CCT8: variants seen among roughly 807,000 people sequenced by gnomAD.
CCT8 encodes the protein T-complex protein 1 subunit theta.
CCT8 carries 10 observed loss-of-function variants against 65.7 expected under a neutral mutation model. The ratio of observed to expected loss-of-function variants is 0.15; its 90% CI spans 0.09 to 0.26. CCT8 has a LOEUF of 0.26. CCT8 is among the 10% of genes least tolerant of loss of function. The pLI is 1.00. For missense variants in CCT8, 568 were observed against 669.1 expected (o/e 0.85, Z 1.67); for synonymous variants, 199 against 221.8 (o/e 0.90, Z 0.92).
intron 3 of CCT8, among the ~76,000 whole-genome samples, chr21:29,068,005 A>G (rs1277914496): frequency 2.0e-5 from 3 of 152,222 alleles, no homozygotes; most frequent in Admixed American, 6.5e-5. Flanking sequence ...TAAATTAAAA[A>G]ACAAAGTAAT....
At chr21:29,064,843 TA>T (rs1005955505) in intron 7 of CCT8, 124 bp downstream of exon 7, 8 of 753,104 alleles carry the variant, frequency 1.1e-5, no homozygotes, top group Middle Eastern at 4.0e-4. Flanking sequence ...AAATCTGGCA[TA>T]AAAAAATAGG....
intron 2 of CCT8, 64 bp downstream of exon 2, chr21:29,070,183 G>T: frequency 1.0e-6 from 1 of 988,344 alleles, no homozygotes; most frequent in South Asian, 1.6e-5. Flanking sequence ...GAACAAGTCT[G>T]AAAGAAGACG....
chr21:29,068,087 A>G (rs1354984664), intron 3 of CCT8, among the ~76,000 whole-genome samples: 1 of 152,242 alleles, frequency 6.6e-6, no homozygotes, highest in East Asian at 1.9e-4. Flanking sequence ...TAACTTGGTC[A>G]TGACTCTCAA....
At position 29,056,436 on chromosome 21, in the gene CCT8, C is replaced by T; in HGVS notation, c.*39G>A. ...ATCAGGTGATTCTTGAGTACTACTA[C>T]AAATACAGCCTTCACCTACAGTAAA... On this transcript the variant is annotated 3_prime_UTR_variant, in exon 15 of 15. Coordinates refer to ENST00000286788, the MANE Select transcript of CCT8 (RefSeq NM_006585.4). 1.7e-6 allele frequency: 2 copies of T among 1,168,668 alleles called. No homozygotes were observed. The highest frequency in any genetic ancestry group is 2.4e-6 in the Non-Finnish European group (2 of 840,182). The allele number at this position is 1,168,668 out of a possible 1,614,324, so 72.4% of individuals were successfully genotyped here. A position where few individuals can be genotyped will look rare whatever the true frequency, so the allele number is the denominator to read the frequency against.
In CCT8 at chr21:29,063,072, A is replaced by G. The variant is rs181509608; in HGVS notation, c.941+280T>C. Among the ~76,000 whole-genome samples, 140 of 152,314 alleles carry G rather than the reference A, an allele frequency of 9.2e-4. 1 individual carries two copies. Among genetic ancestry groups the G allele is most frequent in the Non-Finnish European group, 5.9e-5 (4 of 68,032 alleles). ...GACTCCATACTCTGATAGGCAATGC[A>G]CCAAGCTTGTGTCTAGTCTCTTGGA... On this transcript the variant is annotated intron_variant, in intron 8 of 14. Coordinates refer to ENST00000286788, the MANE Select transcript of CCT8 (RefSeq NM_006585.4).
At chr21:29,062,733 A>T in intron 8 of CCT8, 177 bp from the exon 9 acceptor site, 2 of 613,734 alleles carry the variant, frequency 3.3e-6, no homozygotes, top group Non-Finnish European at 5.7e-6. Context: ...CTGATTCCTG[A>T]CTCTCTGAGT....
At chr21:29,072,270 T>G (rs2085689413) in intron 1 of CCT8, 3 of 282,550 alleles carry the variant, frequency 1.1e-5, no homozygotes, top group Non-Finnish European at 1.3e-5. Context: ...GGAATTCTCC[T>G]TTTATTTAAT....
chr21:29,062,323 C>T lies in CCT8; in HGVS notation c.1096+5G>A. Reference sequence around the variant, plus strand: ...ACTTAAACATGTTTTACCATTCCTACATACCATGCTTAAAAACCACCACCT... The same window carrying T: ...ACTTAAACATGTTTTACCATTCCTATATACCATGCTTAAAAACCACCACCT... On this transcript the variant is annotated splice_donor_5th_base_variant and intron_variant, in intron 10 of 14. Transcript: ENST00000286788. The T allele has an allele frequency of 6.2e-7, 1 of 1,611,258 alleles. No homozygotes were observed. Among genetic ancestry groups the T allele is most frequent in the Non-Finnish European group, 8.5e-7 (1 of 1,177,426 alleles).
intron 7 of CCT8, 97 bp downstream of exon 7, chr21:29,064,871 T>A: frequency 9.9e-7 from 1 of 1,009,332 alleles, no homozygotes; most frequent in Non-Finnish European, 1.5e-6. Context: ...CCTGCAATGT[T>A]CAGTTTTTTA....
At chr21:29,070,636 A>T (rs985018299) in intron 1 of CCT8, among the ~76,000 whole-genome samples, 2 of 152,232 alleles carry the variant, frequency 1.3e-5, no homozygotes, top group Non-Finnish European at 2.9e-5. Flanking sequence ...GATATTCATA[A>T]ATGATGCATA....
chr21:29,062,905 A>T (rs1568911331), intron 8 of CCT8: 1 of 347,224 alleles, frequency 2.9e-6, no homozygotes. Context: ...TTTTTGCTTT[A>T]CTTTGTGCAA....
intron 8 of CCT8, chr21:29,062,958 T>A (rs2035034526): frequency 3.2e-6 from 1 of 316,496 alleles, no homozygotes; most frequent in Admixed American, 4.7e-5. Context: ...GCACATTTTA[T>A]TAGGTACTAG....
chr21:29,060,660 C>G lies in CCT8; in HGVS notation c.1450G>C (p.Ala484Pro). 1 of 1,611,356 alleles carries G rather than the reference C, an allele frequency of 6.2e-7. No individual in the cohort carries two copies. The highest frequency in any genetic ancestry group is 8.5e-7 in the Non-Finnish European group (1 of 1,179,030). Residue 484 changes from alanine to proline, a missense_variant and splice_region_variant, in exon 14 of 15, where the codon GCT (alanine) becomes CCT (proline). Ala to Pro is a conservative substitution (Grantham distance 27). Coordinates refer to ENST00000286788, the MANE Select transcript of CCT8 (RefSeq NM_006585.4). Reference protein sequence around the residue: ...GNKNVGLDIEAEVPAVKDMLE... With the variant: ...GNKNVGLDIEPEVPAVKDMLE... ...ATGTCCTTTACAGCAGGGACTTCAG[C>G]CTGTCAAACACAATTTTCATCCTTT...
chr21:29,065,942 A>G (rs1291766392), intron 6 of CCT8, among the ~76,000 whole-genome samples: 4 of 151,938 alleles, frequency 2.6e-5, no homozygotes, highest in Admixed American at 2.6e-4. Flanking sequence ...AATTAGCTGG[A>G]CATGGTGGCA....
rs1387415372 is a variant in CCT8 at position 29,057,664 on chromosome 21, T to C, written c.1570-1112A>G. Among the ~76,000 whole-genome samples, 10 of 145,064 alleles carry C rather than the reference T, an allele frequency of 6.9e-5. No homozygotes were observed. The East Asian group carries it at 7.9e-4, about 12-fold the overall frequency. ...AACATTTGATAATATATATATGATA[T>C]ATGTATCATATATACGATACATATA... On this transcript the variant is annotated intron_variant, in intron 14 of 14. Coordinates refer to ENST00000286788, the MANE Select transcript of CCT8 (RefSeq NM_006585.4).
intron 3 of CCT8, among the ~76,000 whole-genome samples, chr21:29,069,104 G>A (rs914684459): frequency 7.9e-5 from 12 of 151,898 alleles, no homozygotes; most frequent in Admixed American, 5.2e-4. Context: ...ATATGTATAC[G>A]TTTTTGCACT....
chr21:29,060,959 T>C, intron 13 of CCT8, among the ~76,000 whole-genome samples: 1 of 152,198 alleles, frequency 6.6e-6, no homozygotes, highest in East Asian at 1.9e-4. Flanking sequence ...TGTAAATAGT[T>C]GTTATAGTGT....
At chr21:29,062,826 A>G (rs1412633018) in intron 8 of CCT8, 1 of 486,092 alleles carries the variant, frequency 2.1e-6, no homozygotes, top group African/African-American at 2.0e-5. Context: ...AAGTCACTTT[A>G]GGATGTCAGT....
chr21:29,073,335 C>A, intron 1 of CCT8, 196 bp downstream of exon 1: 1 of 1,418,662 alleles, frequency 7.0e-7, no homozygotes, highest in South Asian at 1.5e-5. Flanking sequence ...TTCTCCCGGT[C>A]GCGGAAGAAG....
Sources: allele counts gnomAD v4.1 joint callset (sites outside exome capture counted in the v4.1 genomes callset), GRCh38; gene constraint gnomAD v4.1.1; transcripts MANE v1.5; gene names NCBI Gene and HGNC (gene_info 2026-07-23, HGNC 2026-07-21).